DLC1: variants seen among roughly 807,000 people sequenced by gnomAD.
DLC1 encodes DLC1 Rho GTPase activating protein, also known as rho GTPase-activating protein 7.
Under a neutral mutation model 140.3 loss-of-function variants are expected in DLC1, and 54 were observed. That is an observed-to-expected ratio of 0.38 (90% CI 0.31 to 0.48). DLC1 has a LOEUF of 0.48. Ranked by LOEUF, DLC1 falls within the 20% of genes least tolerant of loss-of-function variation. DLC1 has a pLI of 0.96. For missense variants in DLC1, 2,536 were observed against 1,907.0 expected (o/e 1.33, Z -6.14); for synonymous variants, 986 against 728.1 (o/e 1.35, Z -5.70).
chr8:13,566,093 AC>A (rs764696609), intron 1 of DLC1, among the ~76,000 whole-genome samples: 63 of 152,182 alleles, frequency 4.1e-4, no homozygotes, highest in Non-Finnish European at 8.2e-4. Flanking sequence ...AGTCGGCAAC[AC>A]CGACATGATT....
At chr8:13,095,005 G>A (rs371523103) in intron 11 of DLC1, 48 bp from the exon 12 acceptor site, 1 of 1,614,040 alleles carries the variant, frequency 6.2e-7, no homozygotes, top group East Asian at 2.2e-5. Context: ...CGTGGACGCA[G>A]TGTTTACACC....
chr8:13,443,657 C>CAAAA (rs11321891), intron 2 of DLC1, among the ~76,000 whole-genome samples: 14 of 66,992 alleles, frequency 2.1e-4, no homozygotes, highest in African/African-American at 5.9e-4. Context: ...GACTCCGTCT[C>CAAAA]AAAAAAAAAA....
At chr8:13,396,700 G>C (rs939787542) in intron 3 of DLC1, among the ~76,000 whole-genome samples, 6 of 152,276 alleles carry the variant, frequency 3.9e-5, no homozygotes, top group Admixed American at 1.3e-4. Context: ...ATATTCTGCA[G>C]AGGCCTCAAA....
intron 2 of DLC1, among the ~76,000 whole-genome samples, chr8:13,404,897 T>C (rs867853197): frequency 1.3e-5 from 2 of 152,048 alleles, no homozygotes; most frequent in South Asian, 4.1e-4. Context: ...TCCTAGCTAC[T>C]TGGGAGTCCT....
intron 8 of DLC1, among the ~76,000 whole-genome samples, chr8:13,102,096 C>G (rs1260781897): frequency 6.6e-6 from 1 of 152,178 alleles, no homozygotes; most frequent in Non-Finnish European, 1.5e-5. Flanking sequence ...GGGATTCTGG[C>G]ATAATTAAAA....
intron 4 of DLC1, among the ~76,000 whole-genome samples, chr8:13,317,680 C>T (rs1379844146): frequency 6.6e-6 from 1 of 151,822 alleles, no homozygotes; most frequent in African/African-American, 2.4e-5. Flanking sequence ...ATTAAAGGCA[C>T]TGGGAGGTGA....
chr8:13,404,875 G>A (rs1837454226), intron 2 of DLC1, among the ~76,000 whole-genome samples: 1 of 151,956 alleles, frequency 6.6e-6, no homozygotes, highest in Non-Finnish European at 1.5e-5. Flanking sequence ...GCATGGTACT[G>A]GGCACCTGTA....
intron 4 of DLC1, among the ~76,000 whole-genome samples, chr8:13,343,584 T>C (rs1671343): frequency 0.32 from 48,744 of 152,110 alleles, 8,026 homozygotes; most frequent in Admixed American, 0.34. Flanking sequence ...ACAGCAGATA[T>C]TGTTGTTATC....
chr8:13,210,823 T>G (rs1017832904), intron 5 of DLC1, among the ~76,000 whole-genome samples: 3 of 152,220 alleles, frequency 2.0e-5, no homozygotes, highest in African/African-American at 7.2e-5. Flanking sequence ...ATACAGCATT[T>G]GCTATTCTTG....
rs147593796 is a variant in DLC1, at chr8:13,121,491, A to G, written c.1349-5834T>C. Among the ~76,000 whole-genome samples the G allele has an allele frequency of 2.6e-5, 4 of 152,252 alleles. No individual in the cohort carries two copies. The East Asian group carries it at 7.7e-4, about 29-fold the overall frequency. On this transcript the variant is annotated intron_variant, in intron 5 of 17. Transcript: ENST00000276297. The stretch of plus-strand genomic sequence containing the variant: ...CGACCACAAATACTTGTAGTAAGGT[A>G]AGGAAATCTTGGTGACTCCCAGCCC...
intron 5 of DLC1, among the ~76,000 whole-genome samples, chr8:13,200,354 A>G (rs745528062): frequency 3.3e-5 from 5 of 152,018 alleles, no homozygotes; most frequent in Non-Finnish European, 5.9e-5. Context: ...GAGCCACTGC[A>G]CCTGGCCGAT....
intron 5 of DLC1, among the ~76,000 whole-genome samples, chr8:13,235,067 T>C (rs1306816491): frequency 2.4e-4 from 36 of 152,102 alleles, no homozygotes; most frequent in Non-Finnish European, 1.5e-5. Flanking sequence ...AGCTGTTATC[T>C]TTTGGTGATT....
At chr8:13,188,412 T>C in intron 5 of DLC1, among the ~76,000 whole-genome samples, 1 of 49,044 alleles carries the variant, frequency 2.0e-5, no homozygotes, top group Admixed American at 3.1e-4. Flanking sequence ...AGAGCAAGAC[T>C]CCGTCTCAAA....
intron 4 of DLC1, among the ~76,000 whole-genome samples, chr8:13,371,505 C>A (rs952588251): frequency 1.3e-5 from 2 of 152,034 alleles, no homozygotes; most frequent in South Asian, 4.1e-4. Context: ...AGTCCATGTA[C>A]CTTTGACAAT....
intron 1 of DLC1, among the ~76,000 whole-genome samples, chr8:13,540,627 A>G (rs903613146): frequency 1.3e-5 from 2 of 152,210 alleles, no homozygotes; most frequent in African/African-American, 4.8e-5. Context: ...ATGCATTCAG[A>G]TCAATCAATT....
intron 1 of DLC1, among the ~76,000 whole-genome samples, chr8:13,548,536 T>C (rs1803732259): frequency 1.3e-5 from 2 of 152,186 alleles, no homozygotes; most frequent in Admixed American, 1.3e-4. Flanking sequence ...GGAATATTTC[T>C]ATGGTTTGAA....
At chr8:13,347,048 TA>T (rs2117011701) in intron 4 of DLC1, among the ~76,000 whole-genome samples, 1 of 152,358 alleles carries the variant, frequency 6.6e-6, no homozygotes, top group Admixed American at 6.5e-5. Flanking sequence ...TTGCTGTGCC[TA>T]ATTATAAACT....
At chr8:13,148,076 TTTGTG>T (rs1823562778) in intron 5 of DLC1, among the ~76,000 whole-genome samples, 1 of 152,156 alleles carries the variant, frequency 6.6e-6, no homozygotes, top group Non-Finnish European at 1.5e-5. Flanking sequence ...GATGTACTGT[TTTGTG>T]TTGTGCTGTG....
At chr8:13,166,924 G>A (rs1220913440) in intron 5 of DLC1, among the ~76,000 whole-genome samples, 1 of 152,068 alleles carries the variant, frequency 6.6e-6, no homozygotes, top group African/African-American at 2.4e-5. Context: ...TTTGGAGGTG[G>A]CAGAAAAAGA....
Sources: gnomAD v4.1 joint callset for allele counts (sites outside exome capture counted in the v4.1 genomes callset) on GRCh38, gnomAD v4.1.1 for gene constraint, MANE v1.5 for transcripts, NCBI Gene and HGNC (gene_info 2026-07-23, HGNC 2026-07-21) for gene names.